The following FAM53A variants were observed in gnomAD, a reference collection of about 807,000 sequenced individuals.
FAM53A encodes protein FAM53A.
A neutral mutation model predicts 26.6 loss-of-function variants in FAM53A; 28 were observed. That is an observed-to-expected ratio of 1.05 (90% CI 0.78 to 1.45). The LOEUF (loss-of-function observed/expected upper bound fraction) is 1.45, where lower values mean the gene tolerates loss of function less well. Ranked by LOEUF, FAM53A falls within the 40% of genes most tolerant of loss-of-function variation. The pLI, the probability that FAM53A is intolerant of heterozygous loss-of-function variation, is 0.00. For synonymous variants in FAM53A, 290 were observed against 253.1 expected, an observed-to-expected ratio of 1.15 and a Z score of -1.38; for missense variants, 650 against 575.8, an observed-to-expected ratio of 1.13 and a Z score of -1.32.
chr4:1,643,598 G>T (rs1163650697), intron 4 of FAM53A, among the ~76,000 whole-genome samples: 5 of 138,116 alleles, frequency 3.6e-5, no homozygotes, highest in Admixed American at 7.4e-5. Flanking sequence ...ACAGGGTCTT[G>T]CTCTGTTTCC....
At chr4:1,618,047 A>G (rs898040009) in exon 2 of FAM53A, 2 of 456,232 alleles carry the variant, frequency 4.4e-6, no homozygotes, top group African/African-American at 4.0e-5. Context: ...TGCCGTGAAG[A>G]TGGGAAGATG....
intron 1 of FAM53A, among the ~76,000 whole-genome samples, chr4:1,627,256 C>T (rs1715348259): frequency 6.6e-6 from 1 of 152,202 alleles, no homozygotes; most frequent in African/African-American, 2.4e-5. Flanking sequence ...ACCATTTGAC[C>T]CCAAGGCACC....
At chr4:1,675,360 G>A (rs1171986307) in intron 1 of FAM53A, among the ~76,000 whole-genome samples, 3 of 152,106 alleles carry the variant, frequency 2.0e-5, no homozygotes, top group South Asian at 2.1e-4. Context: ...ACCTCTCGGC[G>A]CCGGCCCCTC....
rs370249819 is a variant in FAM53A at position 1,657,436 on chromosome 4, G to A, written c.108C>T (p.Ser36=). The change falls in exon 3 of 5, where the codon AGC becomes AGT. Residue 36 remains serine, a synonymous_variant. Coordinates refer to ENST00000308132, the MANE Select transcript of FAM53A (RefSeq NM_001174070.3). ...TGAGCTCCAAAGGGAACAGACGACC[G>A]CTCTTGTTCAGGGTTTCCGCAGAAT... ...LQYSAETLNK[S]GRLFPLELND... 6.8e-6 allele frequency: 11 copies of A among 1,613,734 alleles called. No homozygotes were observed. The highest frequency in any genetic ancestry group is 3.3e-4 in the Middle Eastern group (2 of 6,084).
At chr4:1,657,795 G>A (rs1211915280) in intron 2 of FAM53A, among the ~76,000 whole-genome samples, 3 of 151,358 alleles carry the variant, frequency 2.0e-5, no homozygotes, top group Non-Finnish European at 4.4e-5. Flanking sequence ...CCACCACCAC[G>A]CCCGGTTAAT....
downstream of FAM53A, among the ~76,000 whole-genome samples, chr4:1,616,339 G>A (rs746646715): frequency 9.2e-5 from 14 of 152,226 alleles, no homozygotes; most frequent in Non-Finnish European, 1.5e-4. Flanking sequence ...TGGAAGCGGG[G>A]AGGTCCCACC....
chr4:1,595,240 C>T, the FAM53A span, among the ~76,000 whole-genome samples: 1 of 152,236 alleles, frequency 6.6e-6, no homozygotes, highest in Non-Finnish European at 1.5e-5. Context: ...CACAGGGCCC[C>T]AGCAGCAGGG....
downstream of FAM53A, among the ~76,000 whole-genome samples, chr4:1,634,908 A>C (rs111906182): frequency 6.6e-6 from 1 of 151,970 alleles, no homozygotes; most frequent in South Asian, 2.1e-4. Context: ...CTCAAAAAAA[A>C]AAAAATAAAA....
Position 1,656,078 on chromosome 4 carries a change from G to A in FAM53A, c.137-355C>T, listed in dbSNP as rs373242938. Among the ~76,000 whole-genome samples the A allele has an allele frequency of 2.0e-4, 30 of 152,288 alleles. No individual in the cohort carries two copies. The East Asian group carries it at 5.8e-3, about 29-fold the overall frequency. On this transcript the variant is annotated intron_variant, in intron 3 of 4. Transcript: ENST00000308132. Reference sequence around the variant, plus strand: ...AATGCCCCTCTCCCTCTGTGACCAGGCATCTCAAGGATGTGCGGCTACCCC... The same window carrying A: ...AATGCCCCTCTCCCTCTGTGACCAGACATCTCAAGGATGTGCGGCTACCCC...
At chr4:1,641,717 GA>G in intron 4 of FAM53A, 110 bp from the exon 5 acceptor site, 1 of 1,107,200 alleles carries the variant, frequency 9.0e-7, no homozygotes, top group East Asian at 2.4e-5. Flanking sequence ...CCATCCCCAA[GA>G]CCACACAAAG....
the FAM53A span, among the ~76,000 whole-genome samples, chr4:1,597,002 C>A: frequency 6.6e-6 from 1 of 152,132 alleles, no homozygotes; most frequent in Non-Finnish European, 1.5e-5. Context: ...TCCAGCATCG[C>A]ATCTCCCCTA....
chr4:1,653,891 G>A (rs1245641500), intron 4 of FAM53A, among the ~76,000 whole-genome samples: 1 of 152,228 alleles, frequency 6.6e-6, no homozygotes, highest in Non-Finnish European at 1.5e-5. Context: ...GGCCATCTGT[G>A]CCCCTTCTCC....
chr4:1,685,461 C>T (rs1715759049), upstream of FAM53A, among the ~76,000 whole-genome samples: 1 of 151,968 alleles, frequency 6.6e-6, no homozygotes, highest in Non-Finnish European at 1.5e-5. Flanking sequence ...TGCATGGAGG[C>T]CGGCTGGTTC....
chr4:1,643,273 T>C (rs1056384486), intron 4 of FAM53A, among the ~76,000 whole-genome samples: 4 of 152,054 alleles, frequency 2.6e-5, no homozygotes, highest in African/African-American at 9.7e-5. Flanking sequence ...AAGACCATCC[T>C]GGCTAACACG....
intron 1 of FAM53A, among the ~76,000 whole-genome samples, chr4:1,632,801 C>T (rs1241430881): frequency 6.6e-6 from 1 of 152,244 alleles, no homozygotes; most frequent in Non-Finnish European, 1.5e-5. Flanking sequence ...CATGGACACA[C>T]ATGCCCATGT....
chr4:1,649,788 G>A (rs1314446430), intron 4 of FAM53A, among the ~76,000 whole-genome samples: 6 of 152,360 alleles, frequency 3.9e-5, no homozygotes, highest in African/African-American at 4.8e-5. Context: ...CCTCCCCATC[G>A]GCCTCCGGGA....
the FAM53A span, among the ~76,000 whole-genome samples, chr4:1,604,445 C>T: frequency 9.9e-5 from 15 of 152,232 alleles, no homozygotes; most frequent in African/African-American, 3.6e-4. Flanking sequence ...GTACCGTGGG[C>T]AGGAGGGGGC....
the FAM53A span, among the ~76,000 whole-genome samples, chr4:1,593,996 G>T: frequency 6.6e-6 from 1 of 152,190 alleles, no homozygotes; most frequent in Non-Finnish European, 1.5e-5. Context: ...CGTTGCGGAA[G>T]GCCGACCCGA....
chr4:1,579,273 C>T, the FAM53A span, among the ~76,000 whole-genome samples: 1 of 151,362 alleles, frequency 6.6e-6, no homozygotes, highest in Non-Finnish European at 1.5e-5. Context: ...CCGCCCGCGC[C>T]TGCTGGGCGC....
Sources: gnomAD v4.1 joint callset for allele counts (sites outside exome capture counted in the v4.1 genomes callset) on GRCh38, gnomAD v4.1.1 for gene constraint, MANE v1.5 for transcripts, NCBI Gene and HGNC (gene_info 2026-07-23, HGNC 2026-07-21) for gene names.